The following BCR variants were observed in gnomAD, a reference collection of about 807,000 sequenced individuals.
BCR encodes breakpoint cluster region protein.
Under a neutral mutation model 138.6 loss-of-function variants are expected in BCR, and 58 were observed. The observed-to-expected ratio is 0.42, with a 90% confidence interval of 0.34 to 0.52. The LOEUF (loss-of-function observed/expected upper bound fraction) is 0.52, where lower values mean the gene tolerates loss of function less well. Among genes scored for constraint, BCR ranks in the 20% least tolerant of loss-of-function variants. The pLI is 0.06. For missense variants in BCR, 1,599 were observed against 1,727.2 expected (o/e 0.93, Z 1.32); for synonymous variants, 786 against 730.1 (o/e 1.08, Z -1.23).
chr22:23,291,788 C>T (rs368989738), intron 14 of BCR, among the ~76,000 whole-genome samples: 2 of 152,260 alleles, frequency 1.3e-5, no homozygotes, highest in South Asian at 2.1e-4. Flanking sequence ...GTCTGCTCTC[C>T]CTCCGTTAAA....
At chr22:23,202,297 T>G (rs1006408106) in intron 1 of BCR, among the ~76,000 whole-genome samples, 1 of 152,182 alleles carries the variant, frequency 6.6e-6, no homozygotes, top group Non-Finnish European at 1.5e-5. Context: ...ATTATTACTT[T>G]TTAAAAATTA....
In BCR at chr22:23,180,989, C is replaced by T. The variant is rs1176399990; in HGVS notation, c.29C>T (p.Ala10Val). Residue 10 changes from alanine (A) to valine (V), a missense_variant, in exon 1 of 23, where the codon GCG becomes GTG. Physicochemically the swap from Ala to Val is moderately conservative, Grantham distance 64. This residue lies in a region of BCR where 806 missense variants were observed against 635.0 expected (regional missense o/e 1.27). Coordinates refer to ENST00000305877, the MANE Select transcript of BCR (RefSeq NM_004327.4). Reference protein sequence around the residue: MVDPVGFAEAWKAQFPDSEP... With the variant: MVDPVGFAEVWKAQFPDSEP... ...GTGGACCCGGTGGGCTTCGCGGAGG[C>T]GTGGAAGGCGCAGTTCCCGGACTCA... 8.3e-6 allele frequency: 12 copies of T among 1,441,568 alleles called. No individual in the cohort carries two copies. The highest frequency in any genetic ancestry group is 1.1e-5 in the Non-Finnish European group (12 of 1,082,768). 89.3% of individuals were successfully genotyped at this position (1,441,568 alleles called of 1,614,324 possible).
At chr22:23,252,370 G>A (rs17611266) in intron 1 of BCR, among the ~76,000 whole-genome samples, 36,435 of 151,180 alleles carry the variant, frequency 0.24, 4,862 homozygotes, top group African/African-American at 0.32. Flanking sequence ...TGCAAGGACC[G>A]TTCCTGACAT....
rs559691129 is a variant in BCR at position 23,284,229 on chromosome 22, C to G, written c.2237+131C>G. The G allele has an allele frequency of 5.2e-6, 7 of 1,349,560 alleles. No homozygotes were observed. The Admixed American group carries it at 1.8e-4, about 34-fold the overall frequency. The allele number at this position is 1,349,560 out of a possible 1,614,324, so 83.6% of individuals were successfully genotyped here. On this transcript the variant is annotated intron_variant, in intron 9 of 22. Transcript: ENST00000305877. ...TTCCGTTTCTACTTGGGCACAATGC[C>G]AGGCTCCAGGTTAAAGATTGTCACT...
At chr22:23,293,210 T>C (rs1414724052) in intron 15 of BCR, among the ~76,000 whole-genome samples, 1 of 152,152 alleles carries the variant, frequency 6.6e-6, no homozygotes, top group Non-Finnish European at 1.5e-5. Flanking sequence ...CCCAGATCCA[T>C]GAGAGGTGCC....
chr22:23,255,688 A>C (rs1220964850), intron 2 of BCR, among the ~76,000 whole-genome samples: 1 of 151,930 alleles, frequency 6.6e-6, no homozygotes, highest in Non-Finnish European at 1.5e-5. Flanking sequence ...GGGGCCTCCC[A>C]CCCACACCTG....
rs541289941 is a variant in BCR, at chr22:23,201,147, G to A, written c.1279+18908G>A. ...CCCATGTAGTTAAAAAGTCACACAC[G>A]TGCGCAGCTGGTCTGATTAATGAGT... On this transcript the variant is annotated intron_variant, in intron 1 of 22. Coordinates refer to ENST00000305877, the MANE Select transcript of BCR (RefSeq NM_004327.4). Among the ~76,000 whole-genome samples, 48 of 152,374 alleles carry A rather than the reference G, an allele frequency of 3.2e-4. No individual in the cohort carries two copies. In the South Asian group the frequency reaches 7.9e-3, roughly 25 times the overall value.
chr22:23,210,803 G>C (rs569912164), intron 1 of BCR, among the ~76,000 whole-genome samples: 2 of 152,328 alleles, frequency 1.3e-5, no homozygotes, highest in East Asian at 3.9e-4. Flanking sequence ...TGCAAGTTGT[G>C]TGTACCAATA....
intron 2 of BCR, among the ~76,000 whole-genome samples, chr22:23,259,013 C>A (rs919706011): frequency 1.3e-5 from 2 of 152,218 alleles, no homozygotes; most frequent in African/African-American, 4.8e-5. Context: ...AAAGGGAGCA[C>A]GGCCTCAGCC....
At chr22:23,196,266 T>C (rs1192859484) in intron 1 of BCR, among the ~76,000 whole-genome samples, 1 of 152,138 alleles carries the variant, frequency 6.6e-6, no homozygotes, top group Non-Finnish European at 1.5e-5. Flanking sequence ...AGAAGGTGGC[T>C]CGGACACAGT....
intron 1 of BCR, among the ~76,000 whole-genome samples, chr22:23,227,945 A>C (rs1319123056): frequency 1.3e-5 from 2 of 152,170 alleles, no homozygotes; most frequent in Admixed American, 1.3e-4. Context: ...GGTCAGGGTG[A>C]GTGGTCACCA....
At chr22:23,287,685 G>C (rs2146303787) in intron 11 of BCR, among the ~76,000 whole-genome samples, 1 of 152,322 alleles carries the variant, frequency 6.6e-6, no homozygotes. Context: ...GTCCAGAATG[G>C]CTTGTTTTCT....
chr22:23,307,532 T>A (rs2073963240), intron 16 of BCR: 1 of 151,222 alleles, frequency 6.6e-6, no homozygotes, highest in African/African-American at 2.4e-5. Context: ...GTTTCCTTTT[T>A]ATGTGTGGTT....
chr22:23,296,033 G>T (rs1000296832), intron 16 of BCR, among the ~76,000 whole-genome samples: 2 of 152,150 alleles, frequency 1.3e-5, no homozygotes, highest in African/African-American at 4.8e-5. Context: ...TCCTCAGGAA[G>T]CCCAGTCTCC....
rs189333406 is a variant in BCR at position 23,292,749 on chromosome 22, G to A, written c.2880+111G>A. 2,217 of 859,886 alleles carry A rather than the reference G, an allele frequency of 2.6e-3. 34 individuals carry two copies. The highest frequency in any genetic ancestry group is 0.019 in the South Asian group (1,131 of 60,408). 53.3% of individuals were successfully genotyped at this position (859,886 alleles called of 1,614,324 possible). On this transcript the variant is annotated intron_variant, in intron 15 of 22. Coordinates refer to ENST00000305877, the MANE Select transcript of BCR (RefSeq NM_004327.4). ...TCCCTGAGGGCTTCCCCCGAAGGCA[G>A]TGCTGCTGAATTCCAGGAATCTCCT...
intron 16 of BCR, among the ~76,000 whole-genome samples, chr22:23,303,862 A>G (rs2073929117): frequency 6.6e-6 from 1 of 151,778 alleles, no homozygotes. Context: ...TAGTAAATTT[A>G]CAGAGCTGTA....
At chr22:23,252,092 T>G (rs2073234077) in intron 1 of BCR, among the ~76,000 whole-genome samples, 1 of 152,160 alleles carries the variant, frequency 6.6e-6, no homozygotes, top group South Asian at 2.1e-4. Context: ...GGGCCTCTTG[T>G]AGGATAAGCC....
At chr22:23,289,687 A>G in intron 13 of BCR, 66 bp downstream of exon 13, 6 of 1,371,466 alleles carry the variant, frequency 4.4e-6, no homozygotes, top group Non-Finnish European at 6.2e-6. Context: ...CTGAAGGCTG[A>G]TCCCCCCTTC....
chr22:23,274,826 T>A (rs1384114753), intron 8 of BCR, among the ~76,000 whole-genome samples: 1 of 147,852 alleles, frequency 6.8e-6, no homozygotes, highest in African/African-American at 2.5e-5. Flanking sequence ...GTGAATCGCT[T>A]GAACCCAGGA....
Sources: gnomAD v4.1 joint callset for allele counts (sites outside exome capture counted in the v4.1 genomes callset) on GRCh38, gnomAD v4.1.1 for gene constraint, gnomAD v4.1.1 regional missense constraint, MANE v1.5 for transcripts, NCBI Gene and HGNC (gene_info 2026-07-23, HGNC 2026-07-21) for gene names.